Variants in CC2D2A observed in about 807,000 individuals in gnomAD.
CC2D2A encodes the protein coiled-coil and C2 domain-containing protein 2A.
A neutral mutation model predicts 212.9 loss-of-function variants in CC2D2A; 155 were observed. The observed-to-expected ratio is 0.73, with a 90% CI of 0.64 to 0.83. The LOEUF is 0.83. Ranked by LOEUF, CC2D2A falls within the 40% of genes least tolerant of loss-of-function variation. CC2D2A has a pLI of 0.00. For synonymous variants in CC2D2A, 667 were observed against 686.5 expected (o/e 0.97, Z 0.44); for missense variants, 1,856 against 1,956.2 (o/e 0.95, Z 0.97).
At chr4:15,559,010 A>G (rs1719431823) in intron 21 of CC2D2A, among the ~76,000 whole-genome samples, 155 bp from the exon 22 acceptor site, 1 of 152,230 alleles carries the variant, frequency 6.6e-6, no homozygotes, top group African/African-American at 2.4e-5. Context: ...TGGTTACTCT[A>G]TCAAAGACCA....
chr4:15,541,708 T>C (rs1718460223), intron 17 of CC2D2A, among the ~76,000 whole-genome samples: 1 of 152,146 alleles, frequency 6.6e-6, no homozygotes, highest in Admixed American at 6.5e-5. Context: ...TGGGAGGTTA[T>C]GATGTGGGAA....
At position 15,502,913 on chromosome 4, in the gene CC2D2A, T is replaced by G; in HGVS notation, c.428T>G (p.Phe143Cys). Residue 143 changes from phenylalanine (F) to cysteine (C), a missense_variant, in exon 6 of 37, where the codon TTT (phenylalanine) becomes TGT (cysteine). Phe to Cys is a radical substitution (Grantham distance 205, BLOSUM62 -2). This residue lies in a region of CC2D2A where 1,512 missense variants were observed against 1,579.3 expected (regional missense o/e 0.96). Transcript: ENST00000424120. ...AGTAAGAAAGAATTGGAGACTGAAT[T>G]TGGCACAGAGGTGAGAAATACCCTC... ...SPSKKELETE[F>C]GTEPGKEVER... is the part of the protein sequence containing the mutation. The G allele has an allele frequency of 2.5e-6, 4 of 1,608,338 alleles. No homozygotes were observed. In the South Asian group the frequency reaches 4.5e-5, roughly 18 times the overall value.
chr4:15,557,540 A>G, intron 21 of CC2D2A, 33 bp downstream of exon 21: 1 of 1,442,222 alleles, frequency 6.9e-7, no homozygotes, highest in Non-Finnish European at 9.5e-7. Context: ...TTAATAAAAT[A>G]ATAAAGTACC....
At chr4:15,599,119 C>T (rs1721459784) in intron 35 of CC2D2A, among the ~76,000 whole-genome samples, 1 of 151,940 alleles carries the variant, frequency 6.6e-6, no homozygotes, top group Admixed American at 6.6e-5. Flanking sequence ...TGTGATTGTA[C>T]CACTTCAATC....
intron 11 of CC2D2A, among the ~76,000 whole-genome samples, chr4:15,518,729 G>A (rs1343214095): frequency 6.6e-6 from 1 of 152,244 alleles, no homozygotes; most frequent in East Asian, 1.9e-4. Flanking sequence ...AACACCATGT[G>A]GAAGCTGCCA....
intron 28 of CC2D2A, among the ~76,000 whole-genome samples, chr4:15,572,007 AG>A (rs1196408879): frequency 6.6e-6 from 1 of 152,170 alleles, no homozygotes; most frequent in Non-Finnish European, 1.5e-5. Flanking sequence ...CTGTCATAAA[AG>A]TTTTCCTTGA....
chr4:15,591,888 G>A (rs765488067), intron 33 of CC2D2A, among the ~76,000 whole-genome samples: 4 of 152,256 alleles, frequency 2.6e-5, no homozygotes, highest in African/African-American at 9.6e-5. Flanking sequence ...AAGGTTTTGT[G>A]AGGAAGAAAG....
chr4:15,523,791 A>G (rs374015500), intron 11 of CC2D2A, among the ~76,000 whole-genome samples: 2 of 152,328 alleles, frequency 1.3e-5, no homozygotes, highest in South Asian at 4.1e-4. Flanking sequence ...TGCAGGCATG[A>G]CAGAATTCTC....
intron 3 of CC2D2A, among the ~76,000 whole-genome samples, chr4:15,479,627 G>A (rs1488214866): frequency 6.6e-6 from 1 of 152,160 alleles, no homozygotes; most frequent in Non-Finnish European, 1.5e-5. Flanking sequence ...AGGTGGTTGG[G>A]GAGGTACTGC....
intron 11 of CC2D2A, among the ~76,000 whole-genome samples, chr4:15,520,719 G>A (rs1264542098): frequency 6.6e-6 from 1 of 152,170 alleles, no homozygotes; most frequent in Non-Finnish European, 1.5e-5. Context: ...TCACGAATTA[G>A]GTTCCCCATC....
intron 5 of CC2D2A, 72 bp from the exon 6 acceptor site, chr4:15,502,750 A>G: frequency 1.3e-5 from 17 of 1,293,356 alleles, no homozygotes; most frequent in Admixed American, 2.1e-5. Context: ...GAAGGATAGC[A>G]TGTATTTTTT....
rs897966226 is a variant in CC2D2A at position 15,516,735 on chromosome 4, G to C, written c.1128G>C (p.Glu376Asp). The C allele has an allele frequency of 2.5e-6, 4 of 1,612,282 alleles. No individual in the cohort carries two copies. In the African/African-American group the frequency reaches 4.0e-5, roughly 16 times the overall value. The change falls in exon 11 of 37, where the codon GAG becomes GAC. Residue 376 changes from glutamate to aspartate, a missense_variant. By Grantham distance (45) the Glu-to-Asp change is conservative (BLOSUM62 2). Transcript: ENST00000424120. ...CACAGGAGCAGAGCATTAAGGCAGA[G>C]CTTGAAACACTGTATAAAAAGGTAG... ...VLTQEQSIKA[E>D]LETLYKKAVK...
At chr4:15,538,615 G>C (rs1171390899) in intron 16 of CC2D2A, among the ~76,000 whole-genome samples, 1 of 152,168 alleles carries the variant, frequency 6.6e-6, no homozygotes, top group Non-Finnish European at 1.5e-5. Flanking sequence ...CCCCCAGAAA[G>C]TTGTGGGTGG....
In CC2D2A at chr4:15,563,466, G is replaced by A. The variant is rs767804652; in HGVS notation, c.3126G>A (p.Lys1042=). The A allele has an allele frequency of 4.3e-6, 7 of 1,612,210 alleles. No homozygotes were observed. The highest frequency in any genetic ancestry group is 1.6e-4 in the Middle Eastern group (1 of 6,084). The change falls in exon 24 of 37, where the codon AAG becomes AAA. Residue 1042 remains lysine, a synonymous_variant. Coordinates refer to ENST00000424120, the MANE Select transcript of CC2D2A (RefSeq NM_001378615.1). ...AAAACCTGTCTGATGGAGACATAAA[G>A]CTGCTGGTGAACATTGTGCGAGCTT... ...TAQNLSDGDI[K]LLVNIVRAYD...
At chr4:15,565,256 T>C (rs1397355528) in intron 24 of CC2D2A, among the ~76,000 whole-genome samples, 1 of 152,342 alleles carries the variant, frequency 6.6e-6, no homozygotes, top group East Asian at 1.9e-4. Context: ...TGTTAAATCA[T>C]TTTATTCAAC....
chr4:15,583,979 A>G (rs1019674185), intron 30 of CC2D2A, among the ~76,000 whole-genome samples: 1 of 151,506 alleles, frequency 6.6e-6, no homozygotes, highest in Non-Finnish European at 1.5e-5. Flanking sequence ...AGAAAAGAAA[A>G]TTACAAACAC....
chr4:15,479,556 A>T (rs1322041795), intron 3 of CC2D2A, among the ~76,000 whole-genome samples: 2 of 152,168 alleles, frequency 1.3e-5, no homozygotes, highest in African/African-American at 2.4e-5. Context: ...CCCCTTGCTC[A>T]GCACACTCCT....
intron 29 of CC2D2A, among the ~76,000 whole-genome samples, chr4:15,574,797 CTCAAT>C (rs1312448941): frequency 7.9e-5 from 12 of 152,198 alleles, no homozygotes; most frequent in African/African-American, 2.4e-4. Context: ...CATGAGTCAC[CTCAAT>C]TCATTTCATG....
At chr4:15,514,032 G>A (rs1234742586) in intron 8 of CC2D2A, among the ~76,000 whole-genome samples, 1 of 152,182 alleles carries the variant, frequency 6.6e-6, no homozygotes, top group Non-Finnish European at 1.5e-5. Context: ...AGAAGAGGAA[G>A]GAAGAGAAGA....
Sources: gnomAD v4.1 joint callset for allele counts (sites outside exome capture counted in the v4.1 genomes callset) on GRCh38, gnomAD v4.1.1 for gene constraint, gnomAD v4.1.1 regional missense constraint, MANE v1.5 for transcripts, NCBI Gene and HGNC (gene_info 2026-07-23, HGNC 2026-07-21) for gene names.